The following DMBT1 variants were observed in gnomAD, a reference collection of about 807,000 sequenced individuals.
The protein encoded by DMBT1 is scavenger receptor cysteine-rich domain-containing protein DMBT1.
Under a neutral mutation model 252.9 loss-of-function variants are expected in DMBT1, and 198 were observed. That is an observed-to-expected ratio of 0.78 (90% CI 0.70 to 0.88). DMBT1 has a LOEUF of 0.88. Ranked by LOEUF, DMBT1 falls within the 40% of genes least tolerant of loss-of-function variation. The pLI is 0.00. For missense variants in DMBT1, 2,432 were observed against 2,404.7 expected (o/e 1.01, Z -0.24); for synonymous variants, 990 against 942.7 (o/e 1.05, Z -0.92).
At chr10:122,566,112 G>C (rs567725324) in intron 2 of DMBT1, 116 bp downstream of exon 2, 1 of 1,087,028 alleles carries the variant, frequency 9.2e-7, no homozygotes, top group Non-Finnish European at 1.4e-6. Context: ...CTGCCTTGTC[G>C]AATGCAGGAA....
intron 40 of DMBT1, 101 bp downstream of exon 40, chr10:122,617,361 A>C (rs891234499): frequency 3.1e-5 from 43 of 1,408,024 alleles, no homozygotes; most frequent in Non-Finnish European, 4.1e-5. Flanking sequence ...CTCTCTTTTC[A>C]TGTCCCTGTG....
At position 122,585,805 on chromosome 10, in the gene DMBT1, G is replaced by A. The variant is rs145352814; in HGVS notation, c.1460-255G>A. Among the ~76,000 whole-genome samples, 17 of 148,794 alleles carry A rather than the reference G, an allele frequency of 1.1e-4. 3 individuals carry two copies. Among genetic ancestry groups the A allele is most frequent in the African/African-American group, 4.1e-4 (17 of 41,222 alleles). On this transcript the variant is annotated intron_variant, in intron 15 of 55. Coordinates refer to ENST00000338354, the MANE Select transcript of DMBT1 (RefSeq NM_001377530.1). ...GTAGCTCCATCCTGTGTGTGCCCAG[G>A]TTAGGGAATGGGGTTTCCGTTCCTG...
At chr10:122,587,005 CT>C (rs144413924) in intron 16 of DMBT1, among the ~76,000 whole-genome samples, 5,396 of 148,466 alleles carry the variant, frequency 0.036, 616 homozygotes, top group Middle Eastern at 0.078. Flanking sequence ...GAACTTACCC[CT>C]GACCAGGGAG....
intron 55 of DMBT1, among the ~76,000 whole-genome samples, chr10:122,642,027 G>A (rs1415230479): frequency 2.6e-5 from 4 of 152,288 alleles, no homozygotes; most frequent in African/African-American, 9.6e-5. Context: ...TCTGGTCTGC[G>A]TGGAGCCCTG....
rs201261048 is a variant in DMBT1, at chr10:122,630,341, C to T, written c.5876C>T (p.Ser1959Leu). Residue 1959 changes from serine (S) to leucine (L), a missense_variant, in exon 48 of 56, where the codon TCA becomes TTA. Ser to Leu is a moderately radical substitution (Grantham distance 145). Transcript: ENST00000338354. Reference protein sequence around the residue: ...SFDYVEIFDGSLNSSLLLGKI... With the variant: ...SFDYVEIFDGLLNSSLLLGKI... ...GATTATGTTGAAATCTTTGATGGATCATTGAATAGCAGTCTCCTGCTGGGG... is the reference window on the plus strand; with the variant it reads ...GATTATGTTGAAATCTTTGATGGATTATTGAATAGCAGTCTCCTGCTGGGG... 3.9e-4 allele frequency: 623 copies of T among 1,614,036 alleles called. No individual in the cohort carries two copies. The highest frequency in any genetic ancestry group is 5.1e-4 in the Non-Finnish European group (600 of 1,179,892).
chr10:122,585,431 C>T lies in DMBT1; in HGVS notation c.1459+122C>T, dbSNP rs746906876. On this transcript the variant is annotated intron_variant, in intron 15 of 55. Transcript: ENST00000338354. ...CTGTTTTTCATGTCCCTGTGGGTTG[C>T]ATGGGAGGAAGGTAGAGTCTCTGGG... is the stretch of plus-strand genomic sequence containing the variant. 9.8e-5 allele frequency: 125 copies of T among 1,279,448 alleles called. 8 individuals carry two copies. Among genetic ancestry groups the T allele is most frequent in the Middle Eastern group, 3.8e-4 (2 of 5,258 alleles). The allele number at this position is 1,279,448 out of a possible 1,614,324, so 79.3% of individuals were successfully genotyped here.
intron 47 of DMBT1, 74 bp downstream of exon 47, chr10:122,630,067 G>A (rs781200597): frequency 6.3e-7 from 1 of 1,580,786 alleles, no homozygotes; most frequent in African/African-American, 1.3e-5. Flanking sequence ...CTGTGTCCTG[G>A]GCTGGGATGC....
At position 122,632,796 on chromosome 10, in the gene DMBT1, G is replaced by A. The variant is rs371752369; in HGVS notation, c.6368-65G>A. On this transcript the variant is annotated intron_variant, in intron 50 of 55. Coordinates refer to ENST00000338354, the MANE Select transcript of DMBT1 (RefSeq NM_001377530.1). The stretch of plus-strand genomic sequence containing the variant: ...TTGGCACAGCATCTGCACAGCTCAT[G>A]AGCAGTCGACAGCTGTGTCAGGGAT... 2,360 of 1,591,054 alleles carry A rather than the reference G, an allele frequency of 1.5e-3. 47 individuals carry two copies. The South Asian group carries it at 0.024, about 16-fold the overall frequency.
chr10:122,571,187 G>A (rs2981794), intron 4 of DMBT1, among the ~76,000 whole-genome samples: 104,284 of 151,844 alleles, frequency 0.69, 36,002 homozygotes, highest in East Asian at 0.77. Flanking sequence ...GTCTGAATTG[G>A]TGTTTGGAGG....
intron 27 of DMBT1, 44 bp from the exon 28 acceptor site, chr10:122,600,947 C>T: frequency 5.7e-6 from 4 of 702,472 alleles, no homozygotes; most frequent in Non-Finnish European, 1.1e-5. Flanking sequence ...TGCACCTTTT[C>T]CCTTCAAGTC....
intron 11 of DMBT1, 90 bp downstream of exon 11, chr10:122,580,985 T>C: frequency 6.5e-7 from 1 of 1,531,180 alleles, no homozygotes; most frequent in Non-Finnish European, 8.9e-7. Flanking sequence ...TGTTTCTCTG[T>C]GTGGATACTG....
In DMBT1 at chr10:122,625,957, C is replaced by T. The variant is rs758184234; in HGVS notation, c.5660C>T (p.Thr1887Ile). The change falls in exon 46 of 56, where the codon ACC (threonine) becomes ATC (isoleucine). Residue 1887 changes from threonine to isoleucine, a missense_variant. Around this residue, in one of 3 missense-constraint regions of DMBT1, gnomAD observed 1,162 missense variants for 1,169.0 expected, o/e 0.99. Transcript: ENST00000338354. ...GATTGGTGGCATCCAACAACTACAA[C>T]CACTGCAAGTAGGTATCACATTTTC... ...TTDWWHPTTT[T>I]TARPSSNCGG... The T allele has an allele frequency of 1.8e-5, 29 of 1,611,294 alleles. No homozygotes were observed. The highest frequency in any genetic ancestry group is 2.5e-6 in the Non-Finnish European group (3 of 1,177,548).
chr10:122,579,676 G>T lies in DMBT1; in HGVS notation c.778G>T (p.Asp260Tyr). 1 of 1,613,870 alleles carries T rather than the reference G, an allele frequency of 6.2e-7. No individual in the cohort carries two copies. Among genetic ancestry groups the T allele is most frequent in the Non-Finnish European group, 8.5e-7 (1 of 1,179,798 alleles). ...LYRGSWGTVC[D>Y]DYWDTNDANV... ...CCGAGGCTCCTGGGGCACCGTGTGT[G>T]ATGACTACTGGGACACCAATGATGC... Residue 260 changes from aspartate (D) to tyrosine (Y), a missense_variant, in exon 10 of 56, where the codon GAT becomes TAT. Physicochemically the swap from Asp to Tyr is radical, Grantham distance 160. Transcript: ENST00000338354.
chr10:122,633,860 A>G (rs2098187328), intron 52 of DMBT1, among the ~76,000 whole-genome samples: 1 of 152,204 alleles, frequency 6.6e-6, no homozygotes, highest in African/African-American at 2.4e-5. Flanking sequence ...CTGGCCAGGT[A>G]TGCTGCCTCA....
At chr10:122,621,819 A>G (rs1456937802) in intron 44 of DMBT1, among the ~76,000 whole-genome samples, 1 of 152,208 alleles carries the variant, frequency 6.6e-6, no homozygotes, top group Non-Finnish European at 1.5e-5. Flanking sequence ...AGTAAGGAGC[A>G]TTTGGATTGG....
rs894370695 is a variant in DMBT1, at chr10:122,643,378, C to T, written c.7609C>T (p.Arg2537Ter). The change falls in exon 56 of 56, where the codon CGA (arginine) becomes TGA (stop). Residue 2537 changes from arginine (R) to a stop codon, truncating the protein, a stop_gained. Transcript: ENST00000338354. LOFTEE classifies it high-confidence loss of function. Reference sequence around the variant, plus strand: ...CATCCAGCTGCAGACCCCCCCACGCCGAGAAGAGGAGCCTCGGTAGGTGGT... The same window carrying T: ...CATCCAGCTGCAGACCCCCCCACGCTGAGAAGAGGAGCCTCGGTAGGTGGT... ...GPIQLQTPPR[R>*]EEEPR 1.2e-6 allele frequency: 2 copies of T among 1,613,450 alleles called. No homozygotes were observed. Among genetic ancestry groups the T allele is most frequent in the East Asian group, 2.2e-5 (1 of 44,844 alleles).
At chr10:122,586,955 A>T (rs2097795347) in intron 16 of DMBT1, among the ~76,000 whole-genome samples, 4 of 148,106 alleles carry the variant, frequency 2.7e-5, no homozygotes, top group Admixed American at 2.7e-4. Context: ...GAGGGCCCAG[A>T]CAGTTTTCAA....
At chr10:122,634,430 TTCTCTC>T (rs764559052) in intron 52 of DMBT1, among the ~76,000 whole-genome samples, 2,770 of 74,142 alleles carry the variant, frequency 0.037, 133 homozygotes, top group Non-Finnish European at 0.055. Flanking sequence ...TCTCTCTCTC[TTCTCTC>T]TCTCTCTCTC....
chr10:122,601,006 C>T lies in DMBT1; in HGVS notation c.3326C>T (p.Ser1109Leu), dbSNP rs749815554. ...PTPSPDTWPT[S>L]HASTAGSESS... ...CAATTTACAGACACTTGGCCAACCT[C>T]ACATGCATCAACAGCAGGTAAATAA... Residue 1109 changes from serine (S) to leucine (L), a missense_variant, in exon 28 of 56, where the codon TCA (serine) becomes TTA (leucine). Around this residue, in one of 3 missense-constraint regions of DMBT1, gnomAD observed 1,264 missense variants for 1,082.2 expected, o/e 1.17. Transcript: ENST00000338354. The T allele has an allele frequency of 1.0e-6, 1 of 961,072 alleles. No individual in the cohort carries two copies. Among genetic ancestry groups the T allele is most frequent in the Admixed American group, 1.9e-5 (1 of 52,786 alleles). 59.5% of individuals were successfully genotyped at this position (961,072 alleles called of 1,614,324 possible).
Sources: gnomAD v4.1 joint callset for allele counts (sites outside exome capture counted in the v4.1 genomes callset) on GRCh38, gnomAD v4.1.1 for gene constraint, gnomAD v4.1.1 regional missense constraint, MANE v1.5 for transcripts, NCBI Gene and HGNC (gene_info 2026-07-23, HGNC 2026-07-21) for gene names.